Variants in CNBD1 observed in about 807,000 individuals in gnomAD.
CNBD1 encodes cyclic nucleotide binding domain containing 1.
CNBD1 carries 71 observed loss-of-function variants against 54.4 expected under a neutral mutation model. That is an observed-to-expected ratio of 1.30 (90% confidence interval 1.08 to 1.59). The LOEUF (loss-of-function observed/expected upper bound fraction) is 1.59, where lower values mean the gene tolerates loss of function less well. Among genes scored for constraint, CNBD1 ranks in the 40% most tolerant of loss-of-function variants. The pLI is 0.00. For synonymous variants in CNBD1, 182 were observed against 170.7 expected (o/e 1.07, Z -0.51); for missense variants, 659 against 518.0 (o/e 1.27, Z -2.64).
intron 8 of CNBD1, among the ~76,000 whole-genome samples, chr8:87,329,879 T>G (rs572283799): frequency 6.6e-6 from 1 of 152,086 alleles, no homozygotes; most frequent in African/African-American, 2.4e-5. Context: ...TCCATATATA[T>G]TTTTCTCCTC....
chr8:87,053,994 T>G (rs1264984814), intron 4 of CNBD1, among the ~76,000 whole-genome samples: 1 of 152,208 alleles, frequency 6.6e-6, no homozygotes, highest in Non-Finnish European at 1.5e-5. Context: ...TTCCTTCAGA[T>G]GGAGACAGCG....
intron 10 of CNBD1, among the ~76,000 whole-genome samples, chr8:87,364,795 A>T (rs1223400383): frequency 6.6e-6 from 1 of 152,082 alleles, no homozygotes; most frequent in African/African-American, 2.4e-5. Flanking sequence ...CCCCAGTTCC[A>T]TCCACATTCC....
chr8:87,049,747 T>C (rs531370794), intron 4 of CNBD1, among the ~76,000 whole-genome samples: 1 of 152,238 alleles, frequency 6.6e-6, no homozygotes, highest in South Asian at 2.1e-4. Flanking sequence ...CAGCAAGGTT[T>C]GATATTTGAG....
chr8:87,418,623 C>T (rs1479190405), intron 2 of CNBD1, among the ~76,000 whole-genome samples: 1 of 151,798 alleles, frequency 6.6e-6, no homozygotes, highest in Non-Finnish European at 1.5e-5. Flanking sequence ...TGATTAGGAT[C>T]TAGTTTCTAG....
chr8:86,984,359 G>T (rs1808557214), intron 4 of CNBD1, among the ~76,000 whole-genome samples: 1 of 152,166 alleles, frequency 6.6e-6, no homozygotes. Flanking sequence ...GCAGAGGAAG[G>T]GAAATGTGGG....
chr8:87,039,072 T>G (rs1272201957), intron 4 of CNBD1, among the ~76,000 whole-genome samples: 23 of 152,210 alleles, frequency 1.5e-4, no homozygotes, highest in African/African-American at 5.5e-4. Context: ...TCCAAAACTG[T>G]AATGACCTCT....
chr8:86,926,532 G>C (rs192455235), intron 3 of CNBD1, among the ~76,000 whole-genome samples: 1 of 152,188 alleles, frequency 6.6e-6, no homozygotes, highest in African/African-American at 2.4e-5. Context: ...AAGGGGAGAC[G>C]CCATGTCACC....
At chr8:87,223,446 G>A (rs747356517) in intron 5 of CNBD1, among the ~76,000 whole-genome samples, 2 of 145,122 alleles carry the variant, frequency 1.4e-5, no homozygotes, top group African/African-American at 2.6e-5. Flanking sequence ...CTGTGTCCAT[G>A]TGATCTCATT....
intron 8 of CNBD1, among the ~76,000 whole-genome samples, chr8:87,296,624 T>C (rs1165153321): frequency 2.0e-5 from 3 of 151,568 alleles, no homozygotes; most frequent in East Asian, 1.9e-4. Context: ...TATACACATA[T>C]ATATACATAT....
chr8:87,338,218 A>G (rs1188853880), intron 8 of CNBD1, among the ~76,000 whole-genome samples: 1 of 152,116 alleles, frequency 6.6e-6, no homozygotes, highest in African/African-American at 2.4e-5. Flanking sequence ...CCTTTATATC[A>G]TTGCCATAAT....
intron 4 of CNBD1, among the ~76,000 whole-genome samples, chr8:87,010,502 A>G (rs1809194918): frequency 6.6e-6 from 1 of 152,158 alleles, no homozygotes; most frequent in Non-Finnish European, 1.5e-5. Context: ...TAATGCCAGC[A>G]CTTTGGGATT....
chr8:87,259,732 T>A (rs1808096970), intron 6 of CNBD1, among the ~76,000 whole-genome samples: 1 of 152,116 alleles, frequency 6.6e-6, no homozygotes, highest in Admixed American at 6.6e-5. Flanking sequence ...TGGGGTGGGG[T>A]CCTTGGAAGA....
chr8:87,154,199 T>A (rs1812667018), intron 4 of CNBD1, among the ~76,000 whole-genome samples: 1 of 152,198 alleles, frequency 6.6e-6, no homozygotes, highest in African/African-American at 2.4e-5. Context: ...GCATCTCCAA[T>A]TTGGTGTAAT....
At chr8:87,245,864 ATTG>A (rs1807792957) in intron 6 of CNBD1, among the ~76,000 whole-genome samples, 2 of 152,000 alleles carry the variant, frequency 1.3e-5, no homozygotes, top group Non-Finnish European at 2.9e-5. Context: ...TTATGGATAT[ATTG>A]TTTTTTTCTT....
chr8:87,419,615 C>A (rs1054154072), intron 2 of CNBD1, among the ~76,000 whole-genome samples: 1 of 151,816 alleles, frequency 6.6e-6, no homozygotes, highest in Non-Finnish European at 1.5e-5. Context: ...AGCAAAATCA[C>A]AAGATAGCTC....
chr8:87,194,896 T>TTTGTTGTTGTTTTG (rs1586321379), intron 4 of CNBD1, among the ~76,000 whole-genome samples: 1 of 152,302 alleles, frequency 6.6e-6, no homozygotes, highest in East Asian at 1.9e-4. Flanking sequence ...GTTTGTTTGT[T>TTTGTTGTTGTTTTG]TTGTTGAGAC....
intron 4 of CNBD1, among the ~76,000 whole-genome samples, chr8:86,957,376 A>G (rs575705049): frequency 6.6e-6 from 1 of 152,160 alleles, no homozygotes; most frequent in Non-Finnish European, 1.5e-5. Context: ...CTCTTTTTCT[A>G]TTGATTGGAA....
In CNBD1 at chr8:87,166,084, A is replaced by G. The variant is rs1812957268; in HGVS notation, c.432-39909A>G. On this transcript the variant is annotated intron_variant, in intron 4 of 10. Coordinates refer to ENST00000518476, the MANE Select transcript of CNBD1 (RefSeq NM_173538.3). The surrounding 1 kb of genome is among the most constrained non-coding windows in gnomAD (Gnocchi z 4.3). ...GGGCATCTTCTACCATATCTGAAAT[A>G]AAACTAACTCTTGGTTTCCTCTGCT... Among the ~76,000 whole-genome samples, 1 of 151,974 alleles carries G rather than the reference A, an allele frequency of 6.6e-6. No individual in the cohort carries two copies. Among genetic ancestry groups the G allele is most frequent in the South Asian group, 2.1e-4 (1 of 4,820 alleles).
chr8:87,379,769 T>G (rs999917257), intron 10 of CNBD1, among the ~76,000 whole-genome samples: 1 of 151,928 alleles, frequency 6.6e-6, no homozygotes, highest in African/African-American at 2.4e-5. Flanking sequence ...GATTGTTTTA[T>G]ATATAAAAAA....
Sources: allele counts gnomAD v4.1 joint callset (sites outside exome capture counted in the v4.1 genomes callset), GRCh38; gene constraint gnomAD v4.1.1; non-coding constraint Gnocchi (gnomAD v3.1); transcripts MANE v1.5; gene names NCBI Gene and HGNC (gene_info 2026-07-23, HGNC 2026-07-21).